Variants in NOVA1 observed in about 807,000 individuals in gnomAD.
NOVA1 encodes RNA-binding protein Nova-1.
Under a neutral mutation model 38.0 loss-of-function variants are expected in NOVA1, and 7 were observed. That is an observed-to-expected ratio of 0.18 (90% CI 0.10 to 0.35). NOVA1 has a LOEUF of 0.35. NOVA1 is among the 10% of genes least tolerant of loss of function. The pLI is 1.00. For synonymous variants in NOVA1, 270 were observed against 232.5 expected (o/e 1.16, Z -1.47); for missense variants, 460 against 616.0 (o/e 0.75, Z 2.68).
At chr14:26,595,150 G>A (rs1373127162) in intron 2 of NOVA1, among the ~76,000 whole-genome samples, 1 of 151,910 alleles carries the variant, frequency 6.6e-6, no homozygotes, top group Non-Finnish European at 1.5e-5. Flanking sequence ...GAGTTTTTTT[G>A]CTAATAAGAA....
intron 2 of NOVA1, among the ~76,000 whole-genome samples, chr14:26,594,831 G>A (rs1237636260): frequency 6.6e-6 from 1 of 151,954 alleles, no homozygotes; most frequent in Non-Finnish European, 1.5e-5. Context: ...GAATTCTGAA[G>A]CATTATTTTA....
chr14:26,473,207 T>C (rs1283054182), intron 3 of NOVA1, among the ~76,000 whole-genome samples: 1 of 151,024 alleles, frequency 6.6e-6, no homozygotes. Flanking sequence ...ACTATATATA[T>C]ATAATATGTT....
Position 26,498,570 on chromosome 14 carries a change from C to T in NOVA1, c.281-18427G>A, listed in dbSNP as rs1305332472. Among the ~76,000 whole-genome samples, 4 of 152,008 alleles carry T rather than the reference C, an allele frequency of 2.6e-5. No individual in the cohort carries two copies. In the South Asian group the frequency reaches 6.2e-4, roughly 24 times the overall value. On this transcript the variant is annotated intron_variant, in intron 2 of 4. Transcript: ENST00000539517. ...TATTTAGAGTAAAACTATTTCTAGT[C>T]TTTTCCTACTGTTAAGCCATGATTA...
intron 3 of NOVA1, among the ~76,000 whole-genome samples, chr14:26,477,429 A>T (rs553438912): frequency 4.6e-5 from 7 of 152,252 alleles, no homozygotes; most frequent in African/African-American, 1.7e-4. Context: ...AGTTATATAT[A>T]AGGCCATTGT....
rs147432505 is a variant in NOVA1, at chr14:26,564,594, C to T, written c.280+30816G>A. On this transcript the variant is annotated intron_variant, in intron 2 of 4. Coordinates refer to ENST00000539517, the MANE Select transcript of NOVA1 (RefSeq NM_002515.3). Reference sequence around the variant, plus strand: ...CACCATCACTAGTTACTGCTCCTCGCGATAGACAAATTAACATATCCATTT... The same window carrying T: ...CACCATCACTAGTTACTGCTCCTCGTGATAGACAAATTAACATATCCATTT... 1.8e-3 allele frequency among the ~76,000 whole-genome samples: 273 copies of T among 152,128 alleles called. 2 individuals carry two copies. Among genetic ancestry groups the T allele is most frequent in the Middle Eastern group, 0.014 (4 of 294 alleles).
rs1555332988 is a variant in NOVA1 at position 26,597,517 on chromosome 14, T to TC, written c.-82_-81insG. On this transcript the variant is annotated 5_prime_UTR_variant, in exon 1 of 5. Coordinates refer to ENST00000539517, the MANE Select transcript of NOVA1 (RefSeq NM_002515.3). ...TTTCTTTTCTTTTTTCTTTTTTTTT[T>TC]TTTTTTTTTTTTGCGTTTGGGGTTT... 53 of 1,161,374 alleles carry TC rather than the reference T, an allele frequency of 4.6e-5. No individual in the cohort carries two copies. Among genetic ancestry groups the TC allele is most frequent in the Non-Finnish European group, 5.4e-5 (51 of 937,304 alleles). 71.9% of individuals were successfully genotyped at this position (1,161,374 alleles called of 1,614,324 possible).
intron 2 of NOVA1, among the ~76,000 whole-genome samples, chr14:26,571,597 G>T (rs746397363): frequency 1.3e-5 from 2 of 152,136 alleles, no homozygotes; most frequent in Non-Finnish European, 2.9e-5. Context: ...GTCTACCCAC[G>T]TGGCTAGAAC....
Position 26,593,278 on chromosome 14 carries a change from T to C in NOVA1, c.280+2132A>G, listed in dbSNP as rs530553479. The stretch of plus-strand genomic sequence containing the variant: ...GAAACTGAAAAGCGCTCAGAGGCTA[T>C]GTTGAAGAATACCGGGATCTTAAAA... On this transcript the variant is annotated intron_variant, in intron 2 of 4. Transcript: ENST00000539517. 4.6e-5 allele frequency: 7 copies of C among 151,944 alleles called. No homozygotes were observed. The South Asian group carries it at 1.5e-3, about 31-fold the overall frequency. 9.4% of individuals were successfully genotyped at this position (151,944 alleles called of 1,614,324 possible).
intron 2 of NOVA1, among the ~76,000 whole-genome samples, chr14:26,585,336 C>T (rs1284445665): frequency 6.6e-6 from 1 of 151,364 alleles, no homozygotes; most frequent in African/African-American, 2.4e-5. Flanking sequence ...ATAAGTTCCA[C>T]TCTACTATAC....
chr14:26,594,850 A>C lies in NOVA1; in HGVS notation c.280+560T>G, dbSNP rs996470764. 1.3e-5 allele frequency among the ~76,000 whole-genome samples: 2 copies of C among 152,128 alleles called. 1 individual carries two copies. Among genetic ancestry groups the C allele is most frequent in the African/African-American group, 4.8e-5 (2 of 41,442 alleles). ...TCTGAAGCATTATTTTACTTCTTGCATAACAGTATAAATTTCCTTATATCA... is the reference window on the plus strand; with the variant it reads ...TCTGAAGCATTATTTTACTTCTTGCCTAACAGTATAAATTTCCTTATATCA... On this transcript the variant is annotated intron_variant, in intron 2 of 4. Transcript: ENST00000539517.
At chr14:26,478,829 C>A (rs1409738564) in intron 3 of NOVA1, among the ~76,000 whole-genome samples, 2 of 151,732 alleles carry the variant, frequency 1.3e-5, no homozygotes, top group East Asian at 3.9e-4. Context: ...TATAGAATAA[C>A]AACTACCTAC....
chr14:26,453,282 A>G (rs1882883723), intron 4 of NOVA1, among the ~76,000 whole-genome samples: 1 of 151,908 alleles, frequency 6.6e-6, no homozygotes, highest in African/African-American at 2.4e-5. Context: ...ATCATAGCTC[A>G]CTGCAGCCTC....
chr14:26,481,941 C>T (rs1885485053), intron 2 of NOVA1, among the ~76,000 whole-genome samples: 1 of 135,366 alleles, frequency 7.4e-6, no homozygotes, highest in Non-Finnish European at 1.5e-5. Flanking sequence ...GAGACAACTA[C>T]AGAGTGCTCT....
chr14:26,529,043 T>C (rs1822033903), intron 2 of NOVA1, among the ~76,000 whole-genome samples: 1 of 152,098 alleles, frequency 6.6e-6, no homozygotes, highest in Non-Finnish European at 1.5e-5. Flanking sequence ...ATCCAACAAG[T>C]ACACCCGATC....
intron 2 of NOVA1, among the ~76,000 whole-genome samples, chr14:26,562,138 A>G (rs2138685956): frequency 6.6e-6 from 1 of 152,262 alleles, no homozygotes; most frequent in South Asian, 2.1e-4. Context: ...TATTAGTTTA[A>G]GTAACTCAGA....
chr14:26,528,593 G>T (rs1297966023), intron 2 of NOVA1, among the ~76,000 whole-genome samples: 2 of 152,038 alleles, frequency 1.3e-5, no homozygotes, highest in Non-Finnish European at 2.9e-5. Flanking sequence ...CACACCCAGG[G>T]TGGGTAGAAG....
chr14:26,456,753 G>T (rs1393047258), intron 4 of NOVA1, among the ~76,000 whole-genome samples: 1 of 151,648 alleles, frequency 6.6e-6, no homozygotes, highest in Non-Finnish European at 1.5e-5. Flanking sequence ...CAAAACAGAG[G>T]ACATTGTACA....
chr14:26,489,825 T>A (rs1285690923), intron 2 of NOVA1, among the ~76,000 whole-genome samples: 1 of 152,036 alleles, frequency 6.6e-6, no homozygotes. Flanking sequence ...AACAGAGTGA[T>A]ACTCTGTCTC....
chr14:26,584,780 G>A (rs1020956948), intron 2 of NOVA1, among the ~76,000 whole-genome samples: 4 of 151,270 alleles, frequency 2.6e-5, no homozygotes, highest in African/African-American at 7.3e-5. Context: ...AGTCTTCTTC[G>A]AAATCTAACC....
Sources: gnomAD v4.1 joint callset for allele counts (sites outside exome capture counted in the v4.1 genomes callset) on GRCh38, gnomAD v4.1.1 for gene constraint, MANE v1.5 for transcripts, NCBI Gene and HGNC (gene_info 2026-07-23, HGNC 2026-07-21) for gene names.